COL18A1: variants seen among roughly 807,000 people sequenced by gnomAD.
COL18A1 encodes collagen type XVIII alpha 1 chain.
COL18A1 carries 133 observed loss-of-function variants against 168.0 expected under a neutral mutation model. That is an observed-to-expected ratio of 0.79 (90% CI 0.69 to 0.91). COL18A1 has a LOEUF of 0.91. Ranked by LOEUF, COL18A1 falls within the 40% of genes least tolerant of loss-of-function variation. The probability of loss-of-function intolerance (pLI) is 0.00; values close to 1 mark genes in which losing one functional copy is unlikely to be tolerated. For missense variants in COL18A1, 2,126 were observed against 1,925.4 expected, an observed-to-expected ratio of 1.10 and a Z score of -1.95; for synonymous variants, 949 against 809.0, an observed-to-expected ratio of 1.17 and a Z score of -2.94.
chr21:45,495,727 C>T (rs2036514930), intron 29 of COL18A1: 4 of 414,130 alleles, frequency 9.7e-6, no homozygotes, highest in South Asian at 8.3e-5. Context: ...CACGCACACA[C>T]ACATCCACAC....
chr21:45,493,220 C>G lies in COL18A1; in HGVS notation c.2272C>G (p.Pro758Ala). The change falls in exon 25 of 42, where the codon CCC (proline) becomes GCC (alanine). Residue 758 changes from proline to alanine, a missense_variant. Transcript: ENST00000651438. ...TAAGGGCGAACGAGGCTCCCCGGGA[C>G]CCAAGGTAAGGGGCTCAGGTGCTGT... ...GSKGERGSPGPKGEKGEPGSI... is the reference protein window; with the variant it reads ...GSKGERGSPGAKGEKGEPGSI... The G allele has an allele frequency of 6.4e-7, 1 of 1,558,356 alleles. No individual in the cohort carries two copies. Among genetic ancestry groups the G allele is most frequent in the East Asian group, 2.4e-5 (1 of 41,632 alleles).
chr21:45,458,553 C>T (rs1237788477), intron 2 of COL18A1, among the ~76,000 whole-genome samples: 1 of 152,178 alleles, frequency 6.6e-6, no homozygotes, highest in Non-Finnish European at 1.5e-5. Flanking sequence ...CACCAGCCGC[C>T]TTGCAGGCAA....
intron 15 of COL18A1, among the ~76,000 whole-genome samples, chr21:45,484,965 G>A (rs1258405214): frequency 6.6e-6 from 1 of 151,988 alleles, no homozygotes; most frequent in African/African-American, 2.4e-5. Flanking sequence ...AAACCAAATA[G>A]AAAATGAAGA....
At position 45,498,088 on chromosome 21, in the gene COL18A1, A is replaced by G; in HGVS notation, c.2683+427A>G. 6.5e-6 allele frequency: 4 copies of G among 610,788 alleles called. No individual in the cohort carries two copies. The highest frequency in any genetic ancestry group is 1.2e-5 in the Non-Finnish European group (4 of 344,066). 37.8% of individuals were successfully genotyped at this position (610,788 alleles called of 1,614,324 possible). A position where few individuals can be genotyped will look rare whatever the true frequency, so the allele number is the denominator to read the frequency against. ...TGCCCGACAGGCCGTCTGGAGGGTG[A>G]GCCCAGCACCCCTGCTCCCCCAAAG... is the stretch of plus-strand genomic sequence containing the variant. On this transcript the variant is annotated intron_variant, in intron 32 of 41. Transcript: ENST00000651438. This position sits in a 1 kb window ranked among gnomAD's most constrained non-coding sequence, Gnocchi z 4.5.
chr21:45,505,393 C>A lies in COL18A1; in HGVS notation c.3049C>A (p.Pro1017Thr), dbSNP rs1464788835. The change falls in exon 36 of 42, where the codon CCC (proline) becomes ACC (threonine). Residue 1017 changes from proline to threonine, a missense_variant. Coordinates refer to ENST00000651438, the MANE Select transcript of COL18A1 (RefSeq NM_001379500.1). ...SVPGPPGPPG[P>T]PGPPGTMGAS... ...TCCCGGCCCTCCGGGCCCCCCTGGG[C>A]CCCCTGGGCCCCCTGGAACCATGGG... 7.0e-6 allele frequency: 11 copies of A among 1,581,292 alleles called. No homozygotes were observed. The highest frequency in any genetic ancestry group is 8.6e-6 in the Non-Finnish European group (10 of 1,156,546).
At position 45,423,440 on chromosome 21, in the gene COL18A1, G is replaced by A. The variant is rs984597822; in HGVS notation, c.106+17967G>A. Among the ~76,000 whole-genome samples the A allele has an allele frequency of 5.3e-5, 8 of 152,172 alleles. No individual in the cohort carries two copies. The highest frequency in any genetic ancestry group is 2.6e-4 in the Admixed American group (4 of 15,278). The stretch of plus-strand genomic sequence containing the variant: ...GTGGAGCTCCACAAGCACCTCGGAC[G>A]GCAGCAGGACCCTCCCAAAGCTGTG... On this transcript the variant is annotated intron_variant, in intron 2 of 41. Coordinates refer to ENST00000651438, the MANE Select transcript of COL18A1 (RefSeq NM_001379500.1). This position sits in a 1 kb window ranked among gnomAD's most constrained non-coding sequence, Gnocchi z 4.0.
rs189081058 is a variant in COL18A1 at position 45,455,033 on chromosome 21, G to C, written c.107-13209G>C. ...GGGCAGCCATTGCAACAGTGGAATT[G>C]GCACTGCAGCAAGCTGAGCATTTTT... is the stretch of plus-strand genomic sequence containing the variant. On this transcript the variant is annotated intron_variant, in intron 2 of 41. Coordinates refer to ENST00000651438, the MANE Select transcript of COL18A1 (RefSeq NM_001379500.1). 9.2e-5 allele frequency among the ~76,000 whole-genome samples: 14 copies of C among 152,384 alleles called. No homozygotes were observed. The East Asian group carries it at 2.7e-3, about 29-fold the overall frequency.
chr21:45,503,526 T>C (rs1461600066), intron 32 of COL18A1, among the ~76,000 whole-genome samples: 3 of 151,334 alleles, frequency 2.0e-5, no homozygotes, highest in Non-Finnish European at 4.4e-5. Flanking sequence ...CTCAGTAAAC[T>C]ATTGCAAGAA....
intron 21 of COL18A1, 26 bp downstream of exon 21, chr21:45,490,897 G>A: frequency 6.5e-7 from 1 of 1,546,984 alleles, no homozygotes; most frequent in Non-Finnish European, 8.7e-7. Flanking sequence ...GCGGGTGGAT[G>A]GGGATGGGGG....
chr21:45,507,361 T>A, intron 37 of COL18A1, 200 bp from the exon 38 acceptor site: 1 of 639,532 alleles, frequency 1.6e-6, no homozygotes, highest in Non-Finnish European at 2.8e-6. Context: ...GGCACCCTGC[T>A]GTGGACTGGG....
chr21:45,438,223 C>T (rs1295062260), intron 2 of COL18A1, among the ~76,000 whole-genome samples: 1 of 108,898 alleles, frequency 9.2e-6, no homozygotes, highest in Non-Finnish European at 1.9e-5. Flanking sequence ...CACACTCACA[C>T]ACTCAGACAC....
chr21:45,499,261 C>G (rs1189710515), intron 32 of COL18A1, among the ~76,000 whole-genome samples: 1 of 148,762 alleles, frequency 6.7e-6, no homozygotes, highest in Admixed American at 6.6e-5. Flanking sequence ...GCTGTGTCGG[C>G]AGTGGAGGGT....
chr21:45,457,650 C>T lies in COL18A1; in HGVS notation c.107-10592C>T, dbSNP rs1464167634. Among the ~76,000 whole-genome samples the T allele has an allele frequency of 1.3e-4, 20 of 152,178 alleles. No homozygotes were observed. Among genetic ancestry groups the T allele is most frequent in the East Asian group, 1.9e-4 (1 of 5,188 alleles). On this transcript the variant is annotated intron_variant, in intron 2 of 41. Coordinates refer to ENST00000651438, the MANE Select transcript of COL18A1 (RefSeq NM_001379500.1). This position sits in a 1 kb window ranked among gnomAD's most constrained non-coding sequence, Gnocchi z 4.6. ...TCCCTCCTCTGTGTCCGGGAGTAGACGGGGCCCCTGAGCTGTGCCTGCCCC... is the reference window on the plus strand; with the variant it reads ...TCCCTCCTCTGTGTCCGGGAGTAGATGGGGCCCCTGAGCTGTGCCTGCCCC...
Position 45,441,560 on chromosome 21 carries a change from G to A in COL18A1, c.107-26682G>A, listed in dbSNP as rs528133193. The stretch of plus-strand genomic sequence containing the variant: ...CCAGTCCTGCTGCCCGGTGGCTCTG[G>A]CCATGGTTCCCGTCCCGGGCTGTTC... On this transcript the variant is annotated intron_variant, in intron 2 of 41. Coordinates refer to ENST00000651438, the MANE Select transcript of COL18A1 (RefSeq NM_001379500.1). 3.3e-5 allele frequency among the ~76,000 whole-genome samples: 5 copies of A among 152,276 alleles called. No homozygotes were observed. In the East Asian group the frequency reaches 9.7e-4, roughly 29 times the overall value.
chr21:45,503,461 A>C (rs1295932138), intron 32 of COL18A1, among the ~76,000 whole-genome samples: 1 of 152,170 alleles, frequency 6.6e-6, no homozygotes, highest in Admixed American at 6.5e-5. Flanking sequence ...CAGCCATAAA[A>C]AATGATGAGT....
intron 39 of COL18A1, 63 bp downstream of exon 39, chr21:45,509,664 G>C (rs2037455788): frequency 1.1e-6 from 1 of 915,482 alleles, no homozygotes; most frequent in Admixed American, 2.0e-5. Context: ...CAGCAGAAGA[G>C]GGCCCAGCCC....
chr21:45,480,611 G>A (rs1331904835), intron 12 of COL18A1, 89 bp from the exon 13 acceptor site: 2 of 1,613,188 alleles, frequency 1.2e-6, no homozygotes, highest in Admixed American at 1.7e-5. Flanking sequence ...GGTCCTGTGG[G>A]GGGTGGGGAT....
intron 5 of COL18A1, 63 bp from the exon 6 acceptor site, chr21:45,476,288 A>C: frequency 6.2e-7 from 1 of 1,610,040 alleles, no homozygotes; most frequent in South Asian, 1.1e-5. Context: ...TTCACAAACC[A>C]AGCAAGTCTC....
intron 41 of COL18A1, among the ~76,000 whole-genome samples, chr21:45,511,884 ACAGGAAGCCTCTGCT>A (rs1198603976): frequency 6.6e-6 from 1 of 152,188 alleles, no homozygotes; most frequent in Non-Finnish European, 1.5e-5. Context: ...CGAGGCAGCC[ACAGGAAGCCTCTGCT>A]CAGCAGGCAT....
Sources: allele counts gnomAD v4.1 joint callset (sites outside exome capture counted in the v4.1 genomes callset), GRCh38; gene constraint gnomAD v4.1.1; non-coding constraint Gnocchi (gnomAD v3.1); transcripts MANE v1.5; gene names NCBI Gene and HGNC (gene_info 2026-07-23, HGNC 2026-07-21).